ADGRL3: variants seen among roughly 807,000 people sequenced by gnomAD.
ADGRL3 encodes the protein calcium-independent alpha-latrotoxin receptor 3.
Under a neutral mutation model 153.5 loss-of-function variants are expected in ADGRL3, and 62 were observed. The observed-to-expected ratio is 0.40, with a 90% CI of 0.33 to 0.50. The LOEUF is 0.50. Among genes scored for constraint, ADGRL3 ranks in the 20% least tolerant of loss-of-function variants. The pLI is 0.47. For missense variants in ADGRL3, 1,641 were observed against 1,859.4 expected, an observed-to-expected ratio of 0.88 and a Z score of 2.16; for synonymous variants, 710 against 672.5, an observed-to-expected ratio of 1.06 and a Z score of -0.86.
chr4:61,502,460 T>A (rs1396416597), intron 3 of ADGRL3, among the ~76,000 whole-genome samples: 1 of 148,168 alleles, frequency 6.7e-6, no homozygotes, highest in Non-Finnish European at 1.5e-5. Context: ...GTAAAAAAAA[T>A]GCTTGTAGAA....
chr4:61,731,402 A>T (rs1350379297), intron 7 of ADGRL3, among the ~76,000 whole-genome samples: 1 of 152,068 alleles, frequency 6.6e-6, no homozygotes, highest in African/African-American at 2.4e-5. Context: ...TTTAATCATT[A>T]AAAAAGGGTC....
intron 15 of ADGRL3, among the ~76,000 whole-genome samples, chr4:61,938,210 C>T (rs2098847326): frequency 6.6e-6 from 1 of 152,050 alleles, no homozygotes; most frequent in Non-Finnish European, 1.5e-5. Context: ...AATTATCAGC[C>T]AATTATAAAC....
chr4:61,248,728 C>T (rs965557287), intron 1 of ADGRL3, among the ~76,000 whole-genome samples: 3 of 152,082 alleles, frequency 2.0e-5, no homozygotes, highest in Non-Finnish European at 4.4e-5. Context: ...AGAGTCCGAG[C>T]CAGTTTTGAA....
At chr4:61,373,841 T>G (rs2096570634) in intron 1 of ADGRL3, among the ~76,000 whole-genome samples, 2 of 152,186 alleles carry the variant, frequency 1.3e-5, no homozygotes, top group South Asian at 2.1e-4. Flanking sequence ...TTTGAAAGGA[T>G]GATATGAATT....
chr4:61,807,031 A>C (rs2097559849), intron 8 of ADGRL3, among the ~76,000 whole-genome samples: 1 of 152,018 alleles, frequency 6.6e-6, no homozygotes, highest in African/African-American at 2.4e-5. Context: ...ATTTTTAAAC[A>C]CCTACTGTGA....
chr4:62,037,681 C>A, intron 23 of ADGRL3, 50 bp from the exon 24 acceptor site: 1 of 1,605,492 alleles, frequency 6.2e-7, no homozygotes, highest in Non-Finnish European at 8.5e-7. Flanking sequence ...ACTTTTGTTC[C>A]TACCTGCAAT....
Position 61,502,581 on chromosome 4 carries a change from C to A in ADGRL3, c.55+5233C>A, listed in dbSNP as rs574132144. On this transcript the variant is annotated intron_variant, in intron 3 of 26. Transcript: ENST00000683033. ...TTAGCCTGCATTTTATCATGTGCAA[C>A]AAATTACTTATAATAAACAGTTCTT... Among the ~76,000 whole-genome samples, 4 of 150,910 alleles carry A rather than the reference C, an allele frequency of 2.7e-5. No homozygotes were observed. In the South Asian group the frequency reaches 8.3e-4, roughly 31 times the overall value.
chr4:61,740,708 A>G (rs1339641953), intron 8 of ADGRL3, among the ~76,000 whole-genome samples: 4 of 152,218 alleles, frequency 2.6e-5, no homozygotes, highest in African/African-American at 9.6e-5. Context: ...AGTATGTCTA[A>G]CAGATCTAAA....
intron 6 of ADGRL3, among the ~76,000 whole-genome samples, chr4:61,702,494 T>G (rs564563723): frequency 6.6e-6 from 1 of 152,362 alleles, no homozygotes; most frequent in South Asian, 2.1e-4. Flanking sequence ...CATCAGCCCT[T>G]TATTCCTGGT....
At chr4:61,291,979 A>G (rs1015408577) in intron 1 of ADGRL3, among the ~76,000 whole-genome samples, 1 of 150,472 alleles carries the variant, frequency 6.6e-6, no homozygotes, top group African/African-American at 2.5e-5. Context: ...TTAAACAATG[A>G]TTTTTTAAAA....
intron 13 of ADGRL3, among the ~76,000 whole-genome samples, chr4:61,919,543 G>C (rs1196958523): frequency 6.6e-6 from 1 of 152,126 alleles, no homozygotes; most frequent in East Asian, 1.9e-4. Flanking sequence ...ATAAAGAATG[G>C]TTATAAGAAT....
At chr4:62,054,087 T>C (rs1035002939) in intron 25 of ADGRL3, among the ~76,000 whole-genome samples, 2 of 151,596 alleles carry the variant, frequency 1.3e-5, no homozygotes, top group Non-Finnish European at 3.0e-5. Context: ...GTTGCTACTG[T>C]GTGAATGACA....
At chr4:61,504,439 G>A (rs2098413903) in intron 3 of ADGRL3, among the ~76,000 whole-genome samples, 1 of 152,080 alleles carries the variant, frequency 6.6e-6, no homozygotes, top group Admixed American at 6.5e-5. Flanking sequence ...CAATTTGTAA[G>A]GATCAGTTAC....
chr4:61,637,492 G>A (rs1202983734), intron 5 of ADGRL3, among the ~76,000 whole-genome samples: 2 of 152,136 alleles, frequency 1.3e-5, no homozygotes, highest in Non-Finnish European at 1.5e-5. Flanking sequence ...GGCCTGGCGT[G>A]GTGACTTACA....
chr4:61,922,590 G>T (rs2098774896), intron 13 of ADGRL3, among the ~76,000 whole-genome samples: 1 of 152,110 alleles, frequency 6.6e-6, no homozygotes, highest in Admixed American at 6.6e-5. Flanking sequence ...GCTCTGCTAG[G>T]CTGTGGCAGT....
intron 8 of ADGRL3, among the ~76,000 whole-genome samples, chr4:61,749,740 AG>A: frequency 6.6e-6 from 1 of 152,256 alleles, no homozygotes; most frequent in Middle Eastern, 3.4e-3. Flanking sequence ...GGATAGCTTT[AG>A]GAGATATACC....
At chr4:61,289,046 C>CA (rs1425451410) in intron 1 of ADGRL3, among the ~76,000 whole-genome samples, 3 of 151,804 alleles carry the variant, frequency 2.0e-5, no homozygotes, top group African/African-American at 7.3e-5. Context: ...CCTAGATATA[C>CA]GTACATAAGT....
intron 5 of ADGRL3, among the ~76,000 whole-genome samples, chr4:61,648,378 A>G (rs1205643964): frequency 1.5e-5 from 2 of 132,834 alleles, no homozygotes; most frequent in Admixed American, 7.9e-5. Context: ...TTTAATTTGA[A>G]GACAACCCTC....
At chr4:61,275,500 T>C (rs2093417573) in intron 1 of ADGRL3, among the ~76,000 whole-genome samples, 1 of 152,214 alleles carries the variant, frequency 6.6e-6, no homozygotes, top group Non-Finnish European at 1.5e-5. Flanking sequence ...ACATACTATC[T>C]GAAGATAAAG....
Sources: gnomAD v4.1 joint callset for allele counts (sites outside exome capture counted in the v4.1 genomes callset) on GRCh38, gnomAD v4.1.1 for gene constraint, MANE v1.5 for transcripts, NCBI Gene and HGNC (gene_info 2026-07-23, HGNC 2026-07-21) for gene names.